DNAH11: variants seen among roughly 807,000 people sequenced by gnomAD.
The protein encoded by DNAH11 is axonemal beta dynein heavy chain 11.
Under a neutral mutation model 526.0 loss-of-function variants are expected in DNAH11, and 442 were observed. The ratio of observed to expected loss-of-function variants is 0.84; its 90% confidence interval spans 0.78 to 0.91. The LOEUF is 0.91. DNAH11 is among the 40% of genes least tolerant of loss of function. DNAH11 has a pLI of 0.00. For synonymous variants in DNAH11, 2,461 were observed against 1,935.9 expected, an observed-to-expected ratio of 1.27 and a Z score of -7.12; for missense variants, 6,989 against 5,448.7, an observed-to-expected ratio of 1.28 and a Z score of -8.90.
chr7:21,809,342 T>C (rs1339772443), intron 63 of DNAH11, among the ~76,000 whole-genome samples: 1 of 152,214 alleles, frequency 6.6e-6, no homozygotes, highest in African/African-American at 2.4e-5. Context: ...AGATTATCTT[T>C]TCACTCTGTT....
chr7:21,599,011 A>C (rs1054213521), intron 14 of DNAH11, among the ~76,000 whole-genome samples: 4 of 152,108 alleles, frequency 2.6e-5, no homozygotes, highest in African/African-American at 7.2e-5. Flanking sequence ...GGTTGATTCC[A>C]TGTCTTTGCT....
intron 43 of DNAH11, among the ~76,000 whole-genome samples, chr7:21,719,386 T>C (rs545035234): frequency 6.6e-6 from 1 of 152,324 alleles, no homozygotes; most frequent in African/African-American, 2.4e-5. Flanking sequence ...TAAAGTACGT[T>C]AAATGCTGAC....
chr7:21,722,066 G>C (rs1784898038), intron 44 of DNAH11, among the ~76,000 whole-genome samples: 1 of 152,156 alleles, frequency 6.6e-6, no homozygotes, highest in Non-Finnish European at 1.5e-5. Context: ...GAACTGCTTA[G>C]ACTTACCAAA....
At chr7:21,695,037 G>A (rs1045503567) in intron 35 of DNAH11, among the ~76,000 whole-genome samples, 2 of 152,104 alleles carry the variant, frequency 1.3e-5, no homozygotes, top group African/African-American at 4.8e-5. Flanking sequence ...AACTTATAAG[G>A]GATGTGAAGG....
chr7:21,759,674 T>G (rs1004608583), intron 54 of DNAH11, among the ~76,000 whole-genome samples: 2 of 150,514 alleles, frequency 1.3e-5, no homozygotes, highest in African/African-American at 5.0e-5. Context: ...GAGAATAAAC[T>G]ATATCAACTG....
intron 9 of DNAH11, among the ~76,000 whole-genome samples, chr7:21,585,383 A>G (rs1784448447): frequency 6.6e-6 from 1 of 152,190 alleles, no homozygotes. Flanking sequence ...TTGCATCCAT[A>G]GGGATAGAAT....
chr7:21,725,424 A>G (rs528504307), intron 44 of DNAH11, among the ~76,000 whole-genome samples: 2 of 152,358 alleles, frequency 1.3e-5, no homozygotes, highest in East Asian at 3.9e-4. Context: ...TGAAAGGGCC[A>G]GAGAAGCTAT....
At chr7:21,780,636 G>A (rs778451158) in intron 57 of DNAH11, among the ~76,000 whole-genome samples, 17 of 152,246 alleles carry the variant, frequency 1.1e-4, no homozygotes, top group Middle Eastern at 3.4e-3. Context: ...CATAAAAGGA[G>A]AAAGAAGTTT....
In DNAH11 at chr7:21,748,438, A is replaced by G. The variant is rs931326676; in HGVS notation, c.8511-142A>G. 6.5e-6 allele frequency: 6 copies of G among 928,768 alleles called. No homozygotes were observed. The African/African-American group carries it at 6.9e-5, about 11-fold the overall frequency. The allele number at this position is 928,768 out of a possible 1,614,324, so 57.5% of individuals were successfully genotyped here. On this transcript the variant is annotated intron_variant, in intron 51 of 81. Transcript: ENST00000409508. The stretch of plus-strand genomic sequence containing the variant: ...CGGGAGGCGGAGGCTGCAATGAGCC[A>G]AGATCGCGCCACTGCACTCCGGCCT...
intron 79 of DNAH11, among the ~76,000 whole-genome samples, chr7:21,895,320 A>C (rs1315184255): frequency 2.0e-5 from 3 of 152,188 alleles, no homozygotes; most frequent in Admixed American, 1.3e-4. Flanking sequence ...GTTGTTGTTA[A>C]GAGTTGAATG....
chr7:21,656,551 A>T lies in DNAH11; in HGVS notation c.5094+570A>T, dbSNP rs186331142. Among the ~76,000 whole-genome samples, 353 of 152,264 alleles carry T rather than the reference A, an allele frequency of 2.3e-3. 2 individuals carry two copies. The highest frequency in any genetic ancestry group is 8.1e-3 in the African/African-American group (335 of 41,564). ...GCCAAATACCTCAAAAATATTCTTAACAGTTATCCGCAAGAATGGCTCATT... is the reference window on the plus strand; with the variant it reads ...GCCAAATACCTCAAAAATATTCTTATCAGTTATCCGCAAGAATGGCTCATT... On this transcript the variant is annotated intron_variant, in intron 29 of 81. Coordinates refer to ENST00000409508, the MANE Select transcript of DNAH11 (RefSeq NM_001277115.2).
chr7:21,617,171 A>G (rs1424650861), intron 22 of DNAH11, among the ~76,000 whole-genome samples: 1 of 152,214 alleles, frequency 6.6e-6, no homozygotes, highest in East Asian at 1.9e-4. Context: ...GCATTTTAAG[A>G]TGATGAAATA....
chr7:21,851,658 T>C (rs1288569553), intron 66 of DNAH11: 1 of 471,234 alleles, frequency 2.1e-6, no homozygotes, highest in Non-Finnish European at 4.4e-6. Flanking sequence ...CTCAAAGAAG[T>C]GTAGAGACTA....
At chr7:21,844,395 A>G (rs572011572) in intron 66 of DNAH11, among the ~76,000 whole-genome samples, 1 of 152,374 alleles carries the variant, frequency 6.6e-6, no homozygotes, top group Non-Finnish European at 1.5e-5. Flanking sequence ...ACTGCACTCC[A>G]GCCTGGAGGA....
At chr7:21,581,278 C>A (rs564472772) in intron 8 of DNAH11, among the ~76,000 whole-genome samples, 5 of 152,254 alleles carry the variant, frequency 3.3e-5, no homozygotes, top group African/African-American at 1.2e-4. Context: ...TTCACCGTTT[C>A]ATTGTAACTA....
chr7:21,825,827 C>G (rs763185521), intron 65 of DNAH11, among the ~76,000 whole-genome samples: 23 of 151,836 alleles, frequency 1.5e-4, no homozygotes, highest in African/African-American at 5.3e-4. Context: ...GGTGTAGTAG[C>G]GGGTGCCTGT....
intron 9 of DNAH11, among the ~76,000 whole-genome samples, chr7:21,584,751 G>A (rs1301011647): frequency 6.6e-6 from 1 of 151,926 alleles, no homozygotes; most frequent in African/African-American, 2.4e-5. Context: ...TCTTTGTCTA[G>A]ATATGCATAC....
intron 31 of DNAH11, among the ~76,000 whole-genome samples, chr7:21,682,343 G>A (rs1019181997): frequency 9.9e-5 from 15 of 151,948 alleles, no homozygotes; most frequent in Non-Finnish European, 1.5e-5. Context: ...TGGCTAACAT[G>A]GTGAAACCCC....
chr7:21,562,223 TG>T (rs1783488500), intron 5 of DNAH11, among the ~76,000 whole-genome samples: 1 of 152,166 alleles, frequency 6.6e-6, no homozygotes, highest in Admixed American at 6.5e-5. Flanking sequence ...TTTTTTGTTG[TG>T]GGGGGCCATC....
Sources: allele counts gnomAD v4.1 joint callset (sites outside exome capture counted in the v4.1 genomes callset), GRCh38; gene constraint gnomAD v4.1.1; transcripts MANE v1.5; gene names NCBI Gene and HGNC (gene_info 2026-07-23, HGNC 2026-07-21).